Variants in PLPPR1 observed in about 807,000 individuals in gnomAD.
The protein encoded by PLPPR1 is phospholipid phosphatase related 1.
PLPPR1 carries 10 observed loss-of-function variants against 33.1 expected under a neutral mutation model. That is an observed-to-expected ratio of 0.30 (90% CI 0.19 to 0.51). The LOEUF (loss-of-function observed/expected upper bound fraction) is 0.51, where lower values mean the gene tolerates loss of function less well. Among genes scored for constraint, PLPPR1 ranks in the 20% least tolerant of loss-of-function variants. The pLI is 0.97. For synonymous variants in PLPPR1, 151 were observed against 151.0 expected, an observed-to-expected ratio of 1.00 and a Z score of 0.00; for missense variants, 304 against 408.1, an observed-to-expected ratio of 0.74 and a Z score of 2.20.
At chr9:101,030,550 T>C (rs1275012314) in intron 1 of PLPPR1, among the ~76,000 whole-genome samples, 1 of 152,006 alleles carries the variant, frequency 6.6e-6, no homozygotes, top group Non-Finnish European at 1.5e-5. Flanking sequence ...TTTCTCCATC[T>C]TGACGTGTTG....
chr9:101,211,747 A>T (rs768847263), intron 2 of PLPPR1, among the ~76,000 whole-genome samples: 1 of 152,220 alleles, frequency 6.6e-6, no homozygotes, highest in Non-Finnish European at 1.5e-5. Flanking sequence ...GGACAGAAGG[A>T]GTAACTTTCT....
intron 1 of PLPPR1, among the ~76,000 whole-genome samples, chr9:101,163,837 A>G (rs994601192): frequency 5.9e-5 from 9 of 152,202 alleles, no homozygotes; most frequent in African/African-American, 2.2e-4. Flanking sequence ...GTGACAAAAT[A>G]ATATCAAATC....
chr9:101,213,676 T>G (rs1287452154), intron 2 of PLPPR1, among the ~76,000 whole-genome samples: 1 of 152,202 alleles, frequency 6.6e-6, no homozygotes, highest in Non-Finnish European at 1.5e-5. Context: ...TTATACCATT[T>G]GGTTTGCAAT....
intron 1 of PLPPR1, among the ~76,000 whole-genome samples, chr9:101,117,991 T>C (rs1007203356): frequency 1.3e-5 from 2 of 152,214 alleles, no homozygotes; most frequent in Non-Finnish European, 2.9e-5. Flanking sequence ...AGAGACAGAA[T>C]GTGTAAGTTT....
In PLPPR1 at chr9:101,251,193, A is replaced by G. The variant is rs150373697; in HGVS notation, c.64-18687A>G. ...TCCTTTTACAGCCTCTCCCATGTGG[A>G]CCAAGACTTCATTTTTGTGCACTGT... On this transcript the variant is annotated intron_variant, in intron 2 of 7. Coordinates refer to ENST00000374874, the MANE Select transcript of PLPPR1 (RefSeq NM_207299.2). Among the ~76,000 whole-genome samples the G allele has an allele frequency of 1.6e-3, 246 of 152,224 alleles. 2 individuals carry two copies. The highest frequency in any genetic ancestry group is 5.1e-3 in the African/African-American group (213 of 41,566).
chr9:101,308,554 G>C (rs1028241630), intron 4 of PLPPR1, among the ~76,000 whole-genome samples: 1 of 152,150 alleles, frequency 6.6e-6, no homozygotes, highest in African/African-American at 2.4e-5. Context: ...GAGGCTATTG[G>C]TCAACAACAT....
intron 2 of PLPPR1, among the ~76,000 whole-genome samples, chr9:101,197,900 G>T (rs539410623): frequency 3.3e-5 from 5 of 152,232 alleles, no homozygotes; most frequent in African/African-American, 1.2e-4. Flanking sequence ...AAGCACAATA[G>T]AAATAATGAG....
chr9:101,042,450 C>G (rs955578939), intron 1 of PLPPR1, among the ~76,000 whole-genome samples: 1 of 152,104 alleles, frequency 6.6e-6, no homozygotes, highest in African/African-American at 2.4e-5. Context: ...AGGAATTTGC[C>G]TGGCCTACCA....
intron 2 of PLPPR1, among the ~76,000 whole-genome samples, chr9:101,218,194 G>A (rs1327773087): frequency 6.6e-6 from 1 of 151,954 alleles, no homozygotes; most frequent in Non-Finnish European, 1.5e-5. Context: ...CTATCAATGT[G>A]GATCAAAAAT....
intron 2 of PLPPR1, among the ~76,000 whole-genome samples, chr9:101,221,581 CCAGTCACAT>C (rs1443549412): frequency 6.6e-6 from 1 of 152,158 alleles, no homozygotes; most frequent in Non-Finnish European, 1.5e-5. Context: ...GCATGCCACA[CCAGTCACAT>C]ACACCATATT....
Position 101,246,075 on chromosome 9 carries a change from T to TAG in PLPPR1, c.64-23804_64-23803insGA, listed in dbSNP as rs1554683615. ...ATATGAATATATATATATATATATA[T>TAG]ATATATATATATATATATATATATA... On this transcript the variant is annotated intron_variant, in intron 2 of 7. Coordinates refer to ENST00000374874, the MANE Select transcript of PLPPR1 (RefSeq NM_207299.2). Among the ~76,000 whole-genome samples, 118 of 90,312 alleles carry TAG rather than the reference T, an allele frequency of 1.3e-3. 3 individuals carry two copies. The highest frequency in any genetic ancestry group is 3.7e-3 in the African/African-American group (109 of 29,218). The allele number at this position is 90,312 out of a possible 152,430, so 59.2% of individuals were successfully genotyped here.
intron 4 of PLPPR1, among the ~76,000 whole-genome samples, chr9:101,294,855 G>A (rs1194574411): frequency 1.3e-5 from 2 of 151,996 alleles, no homozygotes; most frequent in Non-Finnish European, 2.9e-5. Context: ...ATACTGAATG[G>A]GCAAAAACTG....
chr9:101,280,844 T>G (rs1192538520), intron 3 of PLPPR1, among the ~76,000 whole-genome samples: 2 of 152,028 alleles, frequency 1.3e-5, no homozygotes, highest in African/African-American at 2.4e-5. Context: ...TGAAAGCCTT[T>G]CCTCTAAGAT....
At chr9:101,309,929 C>G (rs1416748448) in intron 5 of PLPPR1, among the ~76,000 whole-genome samples, 1 of 152,074 alleles carries the variant, frequency 6.6e-6, no homozygotes, top group Non-Finnish European at 1.5e-5. Flanking sequence ...ACATGCAGAC[C>G]CAGGATACAC....
chr9:101,268,973 G>A (rs1334694778), intron 2 of PLPPR1, among the ~76,000 whole-genome samples: 1 of 152,134 alleles, frequency 6.6e-6, no homozygotes. Context: ...AGAACTCTAA[G>A]ATATCCCCCA....
At chr9:101,124,043 G>T (rs766520732) in intron 1 of PLPPR1, among the ~76,000 whole-genome samples, 16 of 152,190 alleles carry the variant, frequency 1.1e-4, no homozygotes, top group Admixed American at 2.6e-4. Flanking sequence ...AAAACAGAAG[G>T]TATTATTATT....
At chr9:101,202,583 A>G (rs1310679567) in intron 2 of PLPPR1, among the ~76,000 whole-genome samples, 1 of 152,198 alleles carries the variant, frequency 6.6e-6, no homozygotes. Flanking sequence ...ATTTGAATGC[A>G]AGTAGTTTAT....
chr9:101,150,854 A>C (rs1831575401), intron 1 of PLPPR1, among the ~76,000 whole-genome samples: 1 of 150,708 alleles, frequency 6.6e-6, no homozygotes, highest in Non-Finnish European at 1.5e-5. Flanking sequence ...TGCCTCTAAC[A>C]AAATGACATT....
intron 1 of PLPPR1, among the ~76,000 whole-genome samples, chr9:101,122,129 A>G (rs1299713397): frequency 6.6e-6 from 1 of 152,136 alleles, no homozygotes; most frequent in Non-Finnish European, 1.5e-5. Context: ...AGTTATTGCC[A>G]TTTGCTTTGA....
Sources: gnomAD v4.1 joint callset for allele counts (sites outside exome capture counted in the v4.1 genomes callset) on GRCh38, gnomAD v4.1.1 for gene constraint, MANE v1.5 for transcripts, NCBI Gene and HGNC (gene_info 2026-07-23, HGNC 2026-07-21) for gene names.